Variants in SLC35D4 observed in about 807,000 individuals in gnomAD.
SLC35D4 encodes the protein UDP-N-acetylglucosamine transporter SLC35D4.
At chr18:23,334,111 A>G in the SLC35D4 span, among the ~76,000 whole-genome samples, 1 of 151,988 alleles carries the variant, frequency 6.6e-6, no homozygotes, top group Non-Finnish European at 1.5e-5. Flanking sequence ...CCTGAAGGGG[A>G]GAAAAGGGAA....
At chr18:23,278,786 G>A in the SLC35D4 span, among the ~76,000 whole-genome samples, 3 of 151,936 alleles carry the variant, frequency 2.0e-5, no homozygotes, top group Non-Finnish European at 4.4e-5. Context: ...TGAAAGGATC[G>A]CTTGAGCTCA....
the SLC35D4 span, among the ~76,000 whole-genome samples, chr18:23,270,426 G>C: frequency 6.6e-6 from 1 of 152,260 alleles, no homozygotes; most frequent in African/African-American, 2.4e-5. Flanking sequence ...GGGCAGTGTG[G>C]ATGGGAAATG....
the SLC35D4 span, among the ~76,000 whole-genome samples, chr18:23,243,841 C>T: frequency 2.0e-5 from 3 of 149,198 alleles, no homozygotes; most frequent in South Asian, 4.3e-4. Context: ...CACTGTACCC[C>T]GGCCTGGGCG....
At chr18:23,253,175 T>G in the SLC35D4 span, 2 of 672,550 alleles carry the variant, frequency 3.0e-6, no homozygotes, top group South Asian at 3.4e-5. Flanking sequence ...AGTGATTGAG[T>G]CATTGTCACA....
the SLC35D4 span, among the ~76,000 whole-genome samples, chr18:23,346,289 A>T: frequency 6.6e-6 from 1 of 152,134 alleles, no homozygotes; most frequent in Non-Finnish European, 1.5e-5. Context: ...ACATGCCACC[A>T]TGCCAGACTA....
At chr18:23,386,614 G>A in the SLC35D4 span, among the ~76,000 whole-genome samples, 1 of 150,778 alleles carries the variant, frequency 6.6e-6, no homozygotes, top group Non-Finnish European at 1.5e-5. Flanking sequence ...ACAGGATGGT[G>A]ACCTGAACTT....
chr18:23,398,531 A>G, the SLC35D4 span, among the ~76,000 whole-genome samples: 4 of 152,192 alleles, frequency 2.6e-5, no homozygotes, highest in Admixed American at 2.6e-4. Context: ...CTGAGCAGCA[A>G]CATGCACCGT....
the SLC35D4 span, among the ~76,000 whole-genome samples, chr18:23,367,808 G>A: frequency 6.6e-6 from 1 of 151,630 alleles, no homozygotes; most frequent in African/African-American, 2.4e-5. Flanking sequence ...CCAGGCTGGA[G>A]TGCAGTGATT....
the SLC35D4 span, among the ~76,000 whole-genome samples, chr18:23,424,252 T>C: frequency 6.6e-6 from 1 of 152,146 alleles, no homozygotes; most frequent in African/African-American, 2.4e-5. Flanking sequence ...GGTTCTGAGT[T>C]GTGCAGTTAA....
At chr18:23,431,153 C>CAAAAAAAAAAAAAAAAAAAAAAA in the SLC35D4 span, among the ~76,000 whole-genome samples, 17 of 66,244 alleles carry the variant, frequency 2.6e-4, no homozygotes, top group Admixed American at 4.3e-4. Flanking sequence ...GAGTATATCT[C>CAAAAAAAAAAAAAAAAAAAAAAA]AAAAAAAAAA....
the SLC35D4 span, among the ~76,000 whole-genome samples, chr18:23,288,752 C>A: frequency 2.8e-4 from 43 of 152,248 alleles, no homozygotes; most frequent in Middle Eastern, 6.8e-3. Context: ...TTATACAGTC[C>A]GATAGCAGAC....
At chr18:23,437,888 C>T in the SLC35D4 span, 2 of 1,596,058 alleles carry the variant, frequency 1.3e-6, no homozygotes, top group East Asian at 2.3e-5. Context: ...ATCCACGGTG[C>T]CTGCCCAAAT....
At chr18:23,421,342 T>C in the SLC35D4 span, 1 of 1,591,642 alleles carries the variant, frequency 6.3e-7, no homozygotes, top group Admixed American at 1.7e-5. Flanking sequence ...GAATCATGCA[T>C]GAGTCCAGCA....
the SLC35D4 span, among the ~76,000 whole-genome samples, chr18:23,411,545 GAAAGA>G: frequency 6.7e-6 from 1 of 150,070 alleles, no homozygotes; most frequent in African/African-American, 2.5e-5. Flanking sequence ...AAGAAAGAAA[GAAAGA>G]AAGGTGTGTG....
chr18:23,283,138 G>A, the SLC35D4 span, among the ~76,000 whole-genome samples: 1 of 152,078 alleles, frequency 6.6e-6, no homozygotes, highest in Non-Finnish European at 1.5e-5. Context: ...GGTGTTCTTG[G>A]ACATCACGCA....
chr18:23,360,027 C>T, the SLC35D4 span, among the ~76,000 whole-genome samples: 32 of 152,338 alleles, frequency 2.1e-4, no homozygotes, highest in African/African-American at 7.5e-4. Flanking sequence ...TCCAAAGGTG[C>T]ACCTGCAAGA....
At chr18:23,289,195 A>G in the SLC35D4 span, among the ~76,000 whole-genome samples, 1 of 152,188 alleles carries the variant, frequency 6.6e-6, no homozygotes, top group South Asian at 2.1e-4. Flanking sequence ...CCAAGCCATC[A>G]CAGCTGATAT....
the SLC35D4 span, among the ~76,000 whole-genome samples, chr18:23,292,781 T>A: frequency 2.6e-5 from 4 of 152,150 alleles, no homozygotes; most frequent in Admixed American, 2.6e-4. Flanking sequence ...TTGGGAAGAA[T>A]CAATGACAGG....
At chr18:23,330,082 G>A in the SLC35D4 span, among the ~76,000 whole-genome samples, 2 of 152,124 alleles carry the variant, frequency 1.3e-5, no homozygotes, top group African/African-American at 4.8e-5. Flanking sequence ...AGCATTAGGA[G>A]AAATACCTAA....
Sources: allele counts gnomAD v4.1 joint callset (sites outside exome capture counted in the v4.1 genomes callset), GRCh38; gene constraint gnomAD v4.1.1; transcripts MANE v1.5; gene names NCBI Gene and HGNC (gene_info 2026-07-23, HGNC 2026-07-21).